The following CLSTN2 variants were observed in gnomAD, a reference collection of about 807,000 sequenced individuals.
CLSTN2 encodes calsyntenin-2.
Under a neutral mutation model 101.2 loss-of-function variants are expected in CLSTN2, and 48 were observed. The ratio of observed to expected loss-of-function variants is 0.47; its 90% CI spans 0.38 to 0.60. The LOEUF (loss-of-function observed/expected upper bound fraction) is 0.60. Ranked by LOEUF, CLSTN2 falls within the 20% of genes least tolerant of loss-of-function variation. The pLI is 0.00. For missense variants in CLSTN2, 1,160 were observed against 1,238.2 expected (o/e 0.94, Z 0.95); for synonymous variants, 481 against 463.6 (o/e 1.04, Z -0.48).
chr3:140,405,605 C>A (rs1199554066), intron 4 of CLSTN2, among the ~76,000 whole-genome samples: 1 of 152,086 alleles, frequency 6.6e-6, no homozygotes, highest in Non-Finnish European at 1.5e-5. Context: ...ATGAAAGAAC[C>A]CTCCCATAAT....
At chr3:140,365,809 C>G (rs1405410604) in intron 2 of CLSTN2, among the ~76,000 whole-genome samples, 1 of 152,166 alleles carries the variant, frequency 6.6e-6, no homozygotes, top group African/African-American at 2.4e-5. Flanking sequence ...ACATTTGAAA[C>G]AAAAACATTT....
chr3:140,250,935 A>G (rs2086558879), intron 2 of CLSTN2, among the ~76,000 whole-genome samples: 1 of 152,228 alleles, frequency 6.6e-6, no homozygotes, highest in East Asian at 1.9e-4. Flanking sequence ...AAGTGACAAC[A>G]TGGAATTTTA....
intron 7 of CLSTN2, chr3:140,461,020 ATTAC>A (rs1933550486): frequency 6.6e-6 from 1 of 152,154 alleles, no homozygotes. Context: ...AAAGTATGAA[ATTAC>A]TTAGTAGCAT....
chr3:140,176,073 G>T lies in CLSTN2; in HGVS notation c.232G>T (p.Gly78Trp). ...LDKDAPVPFA[G>W]EICAFKIHGQ... ...TAAAGATGCACCGGTTCCTTTTGCAGGTGAGATTATGGCTTCGTACGGCTG... is the reference window on the plus strand; with the variant it reads ...TAAAGATGCACCGGTTCCTTTTGCATGTGAGATTATGGCTTCGTACGGCTG... Residue 78 changes from glycine to tryptophan, a missense_variant and splice_region_variant, in exon 2 of 17, where the codon GGG becomes TGG. Physicochemically the swap from Gly to Trp is radical, Grantham distance 184 (BLOSUM62 -2). Transcript: ENST00000458420. 1 of 1,613,712 alleles carries T rather than the reference G, an allele frequency of 6.2e-7. No homozygotes were observed. Among genetic ancestry groups the T allele is most frequent in the Non-Finnish European group, 8.5e-7 (1 of 1,179,810 alleles).
chr3:140,473,743 T>TG (rs1215606485), intron 8 of CLSTN2, among the ~76,000 whole-genome samples: 29 of 84,822 alleles, frequency 3.4e-4, no homozygotes, highest in Middle Eastern at 0.014. Flanking sequence ...GGGTTTTTTG[T>TG]GTTTTTTTTT....
At chr3:140,186,615 A>G (rs1399311410) in intron 2 of CLSTN2, among the ~76,000 whole-genome samples, 16 of 152,212 alleles carry the variant, frequency 1.1e-4, no homozygotes, top group Admixed American at 9.8e-4. Context: ...GCTGTCCCCC[A>G]TGAATCTTGA....
rs916082580 is a variant in CLSTN2, at chr3:139,936,142, G to A, written c.109+659G>A. ...CTGGCACCACTCCCCTGCCCACCCT[G>A]TTCCTTTGAAGAGCTTGACCTCCCC... On this transcript the variant is annotated intron_variant, in intron 1 of 16. Transcript: ENST00000458420. Among the ~76,000 whole-genome samples the A allele has an allele frequency of 2.0e-5, 3 of 152,176 alleles. No individual in the cohort carries two copies. In the East Asian group the frequency reaches 5.8e-4, roughly 29 times the overall value.
intron 1 of CLSTN2, among the ~76,000 whole-genome samples, chr3:140,160,080 G>A (rs2010021602): frequency 6.6e-6 from 1 of 151,944 alleles, no homozygotes; most frequent in Admixed American, 6.6e-5. Context: ...CTAACTCGGT[G>A]GCAGGATCTA....
At chr3:140,088,621 C>G (rs753206376) in intron 1 of CLSTN2, among the ~76,000 whole-genome samples, 1 of 152,186 alleles carries the variant, frequency 6.6e-6, no homozygotes, top group Non-Finnish European at 1.5e-5. Context: ...AGTACCACCC[C>G]TGCCCCCTCC....
At chr3:140,123,496 CTA>C (rs1300645522) in intron 1 of CLSTN2, among the ~76,000 whole-genome samples, 5 of 152,082 alleles carry the variant, frequency 3.3e-5, no homozygotes, top group Non-Finnish European at 7.4e-5. Flanking sequence ...ATGCCAAGCA[CTA>C]TTCTAGAGCA....
At chr3:139,969,693 C>T (rs1935662003) in intron 1 of CLSTN2, among the ~76,000 whole-genome samples, 1 of 152,192 alleles carries the variant, frequency 6.6e-6, no homozygotes, top group South Asian at 2.1e-4. Flanking sequence ...CTGCTTTGTG[C>T]ATGTTGTGTG....
intron 2 of CLSTN2, among the ~76,000 whole-genome samples, chr3:140,330,583 CCCAAGTAAATTACTTCAT>C (rs1344451295): frequency 6.6e-6 from 1 of 152,162 alleles, no homozygotes; most frequent in Non-Finnish European, 1.5e-5. Context: ...GAGGTCACCT[CCCAAGTAAATTACTTCAT>C]CCAAGTACTA....
At position 140,498,473 on chromosome 3, in the gene CLSTN2, C is replaced by A. The variant is rs1257705372; in HGVS notation, c.1344+31742C>A. ...GCCAAGTGGCTATGCCCTCACCTTT[C>A]CTGCCCCAGATGGTGCCGAGCTCAG... On this transcript the variant is annotated intron_variant, in intron 8 of 16. Coordinates refer to ENST00000458420, the MANE Select transcript of CLSTN2 (RefSeq NM_022131.3). Among the ~76,000 whole-genome samples, 4 of 152,342 alleles carry A rather than the reference C, an allele frequency of 2.6e-5. No homozygotes were observed. In the East Asian group the frequency reaches 7.7e-4, roughly 29 times the overall value.
At chr3:140,133,481 T>G (rs2009553940) in intron 1 of CLSTN2, among the ~76,000 whole-genome samples, 1 of 152,206 alleles carries the variant, frequency 6.6e-6, no homozygotes, top group Admixed American at 6.5e-5. Context: ...GTACCTAAGG[T>G]GTCTCCAGAG....
chr3:140,549,842 A>G (rs1935672548), intron 10 of CLSTN2, among the ~76,000 whole-genome samples: 1 of 139,592 alleles, frequency 7.2e-6, no homozygotes, highest in Non-Finnish European at 1.6e-5. Context: ...GAAATTCTCT[A>G]TCTGCTCACA....
chr3:140,219,464 C>G (rs2086244610), intron 2 of CLSTN2, among the ~76,000 whole-genome samples: 1 of 152,146 alleles, frequency 6.6e-6, no homozygotes, highest in Admixed American at 6.5e-5. Flanking sequence ...TTCAAAGCTC[C>G]TTAAGAAAAC....
intron 1 of CLSTN2, among the ~76,000 whole-genome samples, chr3:140,095,333 A>G (rs1576425018): frequency 6.6e-6 from 1 of 152,226 alleles, no homozygotes. Flanking sequence ...CTGCCTTGTC[A>G]AGTGGGTATG....
intron 2 of CLSTN2, among the ~76,000 whole-genome samples, chr3:140,375,443 A>G (rs2087906050): frequency 1.3e-5 from 2 of 152,180 alleles, no homozygotes; most frequent in African/African-American, 4.8e-5. Flanking sequence ...GTTTTTATTC[A>G]TGGGGACCCA....
intron 1 of CLSTN2, among the ~76,000 whole-genome samples, chr3:139,972,923 A>T (rs888152802): frequency 6.6e-6 from 1 of 152,268 alleles, no homozygotes; most frequent in East Asian, 1.9e-4. Context: ...TTGGCTCAGA[A>T]TTTTTTCTGC....
Sources: gnomAD v4.1 joint callset for allele counts (sites outside exome capture counted in the v4.1 genomes callset) on GRCh38, gnomAD v4.1.1 for gene constraint, MANE v1.5 for transcripts, NCBI Gene and HGNC (gene_info 2026-07-23, HGNC 2026-07-21) for gene names.